The following SYNPR variants were observed in gnomAD, a reference collection of about 807,000 sequenced individuals.
The protein encoded by SYNPR is synaptoporin.
SYNPR carries 23 observed loss-of-function variants against 32.9 expected under a neutral mutation model. The observed-to-expected ratio is 0.70, with a 90% CI of 0.50 to 0.99. The LOEUF (loss-of-function observed/expected upper bound fraction) is 0.99, where lower values mean the gene tolerates loss of function less well. SYNPR is among the 50% of genes least tolerant of loss of function. The pLI, the probability that SYNPR is intolerant of heterozygous loss-of-function variation, is 0.00. For missense variants in SYNPR, 318 were observed against 349.3 expected, an observed-to-expected ratio of 0.91 and a Z score of 0.71; for synonymous variants, 146 against 135.9, an observed-to-expected ratio of 1.07 and a Z score of -0.52.
intron 2 of SYNPR, among the ~76,000 whole-genome samples, chr3:63,319,149 C>G (rs530595317): frequency 6.6e-6 from 1 of 151,960 alleles, no homozygotes; most frequent in South Asian, 2.1e-4. Flanking sequence ...AGTGCTTGTT[C>G]TAGTGGAGAT....
chr3:63,258,089 G>C (rs928037953), intron 2 of SYNPR, among the ~76,000 whole-genome samples: 2 of 151,956 alleles, frequency 1.3e-5, no homozygotes, highest in East Asian at 1.9e-4. Context: ...TAGAGACCTA[G>C]AAAGAGACTT....
rs1194750230 is a variant in SYNPR at position 63,440,669 on chromosome 3, G to A, written c.85-40163G>A. ...TATTAGCCTTAGAACCTTATTTAGT[G>A]AAAGTTGACCCAGAAAGCCCTTTAG... On this transcript the variant is annotated intron_variant, in intron 2 of 5. Transcript: ENST00000478300. Among the ~76,000 whole-genome samples the A allele has an allele frequency of 9.2e-5, 14 of 152,298 alleles. No individual in the cohort carries two copies. The East Asian group carries it at 2.5e-3, about 27-fold the overall frequency.
At chr3:63,203,737 C>T in the SYNPR span, among the ~76,000 whole-genome samples, 69 of 152,038 alleles carry the variant, frequency 4.5e-4, no homozygotes, top group African/African-American at 1.6e-3. Flanking sequence ...TGGCTTATGC[C>T]TGTAATCCCA....
chr3:63,445,405 A>G, intron 2 of SYNPR: 1 of 538,378 alleles, frequency 1.9e-6, no homozygotes, highest in South Asian at 2.8e-5. Context: ...TTTTACAAGT[A>G]TCACTTCTGA....
chr3:63,285,067 TCTTATC>T (rs1560179040), intron 2 of SYNPR, among the ~76,000 whole-genome samples: 1 of 152,198 alleles, frequency 6.6e-6, no homozygotes, highest in Non-Finnish European at 1.5e-5. Flanking sequence ...ACTTGCCATA[TCTTATC>T]CCTGATCCTC....
At chr3:63,496,126 T>G (rs1045892940) in intron 3 of SYNPR, among the ~76,000 whole-genome samples, 2 of 152,062 alleles carry the variant, frequency 1.3e-5, no homozygotes, top group African/African-American at 4.8e-5. Context: ...TAAAAAAAAG[T>G]ATTTATTTTT....
At chr3:63,261,914 T>C (rs1272216412) in intron 2 of SYNPR, among the ~76,000 whole-genome samples, 3 of 151,518 alleles carry the variant, frequency 2.0e-5, no homozygotes, top group East Asian at 3.9e-4. Context: ...CATTAGGAGA[T>C]ATACCTAATG....
At chr3:63,268,048 A>G (rs915596800) in intron 3 of SYNPR, among the ~76,000 whole-genome samples, 3 of 152,216 alleles carry the variant, frequency 2.0e-5, no homozygotes, top group Non-Finnish European at 4.4e-5. Flanking sequence ...ATTGTTTCAC[A>G]CTGTGGAATA....
chr3:63,544,423 G>C (rs1473533769), intron 3 of SYNPR, among the ~76,000 whole-genome samples: 3 of 152,050 alleles, frequency 2.0e-5, no homozygotes, highest in Non-Finnish European at 4.4e-5. Context: ...AAGCCGACAG[G>C]ATAATACCTT....
At chr3:63,514,841 T>G (rs1397504056) in intron 3 of SYNPR, among the ~76,000 whole-genome samples, 1 of 152,116 alleles carries the variant, frequency 6.6e-6, no homozygotes, top group East Asian at 1.9e-4. Context: ...ACTTGTTTTC[T>G]CGGCGCATTT....
chr3:63,614,934 C>A (rs1227572146), intron 5 of SYNPR, among the ~76,000 whole-genome samples: 3 of 152,326 alleles, frequency 2.0e-5, no homozygotes, highest in African/African-American at 7.2e-5. Context: ...CTTAGACAAG[C>A]TTTCCACATC....
At chr3:63,418,110 A>G (rs576744680) in intron 2 of SYNPR, among the ~76,000 whole-genome samples, 37 of 152,324 alleles carry the variant, frequency 2.4e-4, no homozygotes, top group Non-Finnish European at 4.9e-4. Context: ...GACTGGCTTT[A>G]ACAGCATCCA....
At chr3:63,329,672 G>T (rs982633048) in intron 2 of SYNPR, among the ~76,000 whole-genome samples, 1 of 152,110 alleles carries the variant, frequency 6.6e-6, no homozygotes, top group Non-Finnish European at 1.5e-5. Context: ...TTCAACTCAC[G>T]AATGTGTCTC....
intron 2 of SYNPR, among the ~76,000 whole-genome samples, chr3:63,333,574 G>A (rs948489149): frequency 6.6e-6 from 1 of 151,936 alleles, no homozygotes; most frequent in African/African-American, 2.4e-5. Context: ...ACACCACCAC[G>A]CTCAGCTTAT....
chr3:63,297,978 C>T (rs915838261), intron 2 of SYNPR, among the ~76,000 whole-genome samples: 12 of 152,172 alleles, frequency 7.9e-5, no homozygotes, highest in Non-Finnish European at 1.2e-4. Flanking sequence ...ACAGACCTTG[C>T]GACCTCTGGC....
At chr3:63,524,844 T>TGTGC (rs1559526007) in intron 3 of SYNPR, among the ~76,000 whole-genome samples, 34 of 148,626 alleles carry the variant, frequency 2.3e-4, no homozygotes, top group South Asian at 2.1e-3. Context: ...TGTGTGTGTG[T>TGTGC]GTGTGTGCAT....
At chr3:63,277,931 C>G (rs1434193365), upstream of SYNPR, among the ~76,000 whole-genome samples, 1 of 152,052 alleles carries the variant, frequency 6.6e-6, no homozygotes, top group Non-Finnish European at 1.5e-5. Context: ...AATGAAAGAG[C>G]CAACAAATAG....
At chr3:63,561,198 C>T (rs1559536961) in intron 4 of SYNPR, among the ~76,000 whole-genome samples, 1 of 152,090 alleles carries the variant, frequency 6.6e-6, no homozygotes, top group Non-Finnish European at 1.5e-5. Flanking sequence ...ACATCCTGCA[C>T]AAATAAAGTT....
At chr3:63,558,439 C>T (rs547204862) in intron 4 of SYNPR, among the ~76,000 whole-genome samples, 1 of 152,112 alleles carries the variant, frequency 6.6e-6, no homozygotes, top group Non-Finnish European at 1.5e-5. Flanking sequence ...CTCAGATGAT[C>T]CTCCCACCTC....
Sources: gnomAD v4.1 joint callset for allele counts (sites outside exome capture counted in the v4.1 genomes callset) on GRCh38, gnomAD v4.1.1 for gene constraint, MANE v1.5 for transcripts, NCBI Gene and HGNC (gene_info 2026-07-23, HGNC 2026-07-21) for gene names.